Variants in UTRN observed in about 807,000 individuals in gnomAD.
UTRN encodes utrophin.
UTRN carries 283 observed loss-of-function variants against 463.9 expected under a neutral mutation model. That is an observed-to-expected ratio of 0.61 (90% CI 0.55 to 0.67). The LOEUF (loss-of-function observed/expected upper bound fraction) is 0.67. UTRN is among the 30% of genes least tolerant of loss of function. The pLI, the probability that UTRN is intolerant of heterozygous loss-of-function variation, is 0.00. For synonymous variants in UTRN, 1,442 were observed against 1,431.5 expected (o/e 1.01, Z -0.17); for missense variants, 3,922 against 4,084.3 (o/e 0.96, Z 1.08).
chr6:144,594,971 A>G (rs1430321380), intron 51 of UTRN, among the ~76,000 whole-genome samples: 1 of 152,206 alleles, frequency 6.6e-6, no homozygotes, highest in Non-Finnish European at 1.5e-5. Flanking sequence ...AGTACTATCT[A>G]GGGCAGCTTA....
At chr6:144,721,871 C>A (rs1339831172) in intron 53 of UTRN, among the ~76,000 whole-genome samples, 1 of 151,894 alleles carries the variant, frequency 6.6e-6, no homozygotes, top group Non-Finnish European at 1.5e-5. Context: ...TACATTTGAA[C>A]CATCAGAAAG....
chr6:144,530,732 GTGTGAGTGTGTT>G (rs1472475573), intron 41 of UTRN, among the ~76,000 whole-genome samples: 13 of 152,090 alleles, frequency 8.5e-5, no homozygotes, highest in Non-Finnish European at 1.3e-4. Context: ...TCGAGTGTGT[GTGTGAGTGTGTT>G]TGTGAGTGTG....
At chr6:144,446,328 T>C (rs1465965321) in intron 14 of UTRN, among the ~76,000 whole-genome samples, 2 of 152,196 alleles carry the variant, frequency 1.3e-5, no homozygotes, top group Admixed American at 1.3e-4. Context: ...TATGTGCATA[T>C]CTTACCAGCC....
chr6:144,726,638 A>G (rs1787910683), intron 53 of UTRN, among the ~76,000 whole-genome samples: 1 of 152,206 alleles, frequency 6.6e-6, no homozygotes, highest in Non-Finnish European at 1.5e-5. Context: ...TAGGAAATAC[A>G]AAGATAGTTA....
At chr6:144,661,475 C>T (rs1271032734) in intron 51 of UTRN, among the ~76,000 whole-genome samples, 1 of 152,162 alleles carries the variant, frequency 6.6e-6, no homozygotes, top group Non-Finnish European at 1.5e-5. Context: ...GGACTTCGAC[C>T]TCTCGCTTTA....
At chr6:144,658,499 C>G (rs952346557) in intron 51 of UTRN, among the ~76,000 whole-genome samples, 10 of 152,170 alleles carry the variant, frequency 6.6e-5, no homozygotes, top group African/African-American at 2.4e-4. Context: ...ATTTAAGCAA[C>G]TCATTAGCCC....
intron 51 of UTRN, among the ~76,000 whole-genome samples, chr6:144,674,919 A>G (rs1208191623): frequency 6.6e-6 from 1 of 152,228 alleles, no homozygotes; most frequent in Non-Finnish European, 1.5e-5. Context: ...GAGTAGCTTA[A>G]TAATCAGCCT....
intron 2 of UTRN, among the ~76,000 whole-genome samples, chr6:144,306,518 T>C (rs1805753580): frequency 6.6e-6 from 1 of 152,130 alleles, no homozygotes; most frequent in African/African-American, 2.4e-5. Context: ...TTTTTGACTT[T>C]AACACTCGCA....
At chr6:144,824,776 G>A (rs1325283168) in intron 66 of UTRN, among the ~76,000 whole-genome samples, 29 of 146,156 alleles carry the variant, frequency 2.0e-4, no homozygotes, top group African/African-American at 7.1e-4. Flanking sequence ...TTGGTGGTGG[G>A]GGGGGGTGTC....
chr6:144,800,959 T>C (rs550691879), intron 64 of UTRN, among the ~76,000 whole-genome samples: 1 of 152,260 alleles, frequency 6.6e-6, no homozygotes, highest in South Asian at 2.1e-4. Flanking sequence ...TCAGAAAGAT[T>C]CTTTGAATCA....
chr6:144,413,330 C>T (rs193258820), intron 3 of UTRN, among the ~76,000 whole-genome samples: 105 of 152,244 alleles, frequency 6.9e-4, no homozygotes, highest in Non-Finnish European at 1.3e-3. Context: ...TATGCTGCTA[C>T]TAAAGACATA....
At chr6:144,392,998 GCCATCCAT>G (rs58099859) in intron 2 of UTRN, among the ~76,000 whole-genome samples, 20,537 of 150,096 alleles carry the variant, frequency 0.14, 1,459 homozygotes, top group Admixed American at 0.21. Context: ...GTGTCCAGCT[GCCATCCAT>G]CCATCCATCC....
At chr6:144,298,718 A>T (rs1804971026) in intron 2 of UTRN, among the ~76,000 whole-genome samples, 1 of 152,184 alleles carries the variant, frequency 6.6e-6, no homozygotes, top group African/African-American at 2.4e-5. Flanking sequence ...CATTCAGTTC[A>T]ATCCTTTTAA....
At chr6:144,429,117 ATAGT>A in intron 8 of UTRN, among the ~76,000 whole-genome samples, 1 of 152,316 alleles carries the variant, frequency 6.6e-6, no homozygotes, top group Admixed American at 6.5e-5. Context: ...GCACTGGACA[ATAGT>A]TAATCTAAAT....
At chr6:144,473,592 A>G in intron 23 of UTRN, 128 bp from the exon 24 acceptor site, 1 of 566,446 alleles carries the variant, frequency 1.8e-6, no homozygotes, top group East Asian at 3.0e-5. Context: ...AGAAAAAGAA[A>G]TAACATAAAT....
intron 51 of UTRN, among the ~76,000 whole-genome samples, chr6:144,578,912 GTCTT>G (rs1003879538): frequency 6.6e-6 from 1 of 151,190 alleles, no homozygotes; most frequent in African/African-American, 2.4e-5. Context: ...AGGATACAGA[GTCTT>G]TCTTTGAACT....
Position 144,491,036 on chromosome 6 carries a change from A to G in UTRN, c.4371A>G (p.Glu1457=), listed in dbSNP as rs1793014907. ...GTGTGCTGGATGGCGTGAAAGCAGA[A>G]CTTCACGTTCTGGATGTGAAGGACG... ...CKRVLDGVKA[E]LHVLDVKDVD... is the part of the protein sequence containing the mutation. The change falls in exon 32 of 75, where the codon GAA becomes GAG. Residue 1457 remains glutamate, a synonymous_variant. Transcript: ENST00000367545. 1 of 1,614,032 alleles carries G rather than the reference A, an allele frequency of 6.2e-7. No homozygotes were observed. The highest frequency in any genetic ancestry group is 1.1e-5 in the South Asian group (1 of 91,060).
At chr6:144,536,668 A>C (rs972149379) in intron 43 of UTRN, among the ~76,000 whole-genome samples, 1 of 152,122 alleles carries the variant, frequency 6.6e-6, no homozygotes, top group Middle Eastern at 3.2e-3. Context: ...AATTCTTATT[A>C]GGAATGATAC....
intron 36 of UTRN, 147 bp downstream of exon 36, chr6:144,514,184 C>T (rs931028094): frequency 2.6e-6 from 3 of 1,168,000 alleles, no homozygotes; most frequent in Admixed American, 2.3e-5. Flanking sequence ...GAAACTGAGA[C>T]AATAAGAGAC....
Sources: gnomAD v4.1 joint callset for allele counts (sites outside exome capture counted in the v4.1 genomes callset) on GRCh38, gnomAD v4.1.1 for gene constraint, MANE v1.5 for transcripts, NCBI Gene and HGNC (gene_info 2026-07-23, HGNC 2026-07-21) for gene names.